The following ME2 variants were observed in gnomAD, a reference collection of about 807,000 sequenced individuals.
The protein encoded by ME2 is NAD-dependent malic enzyme, mitochondrial.
ME2 carries 60 observed loss-of-function variants against 73.7 expected under a neutral mutation model. The observed-to-expected ratio is 0.81, with a 90% CI of 0.66 to 1.01. ME2 has a LOEUF of 1.01. Among genes scored for constraint, ME2 ranks in the 50% least tolerant of loss-of-function variants. The pLI, the probability that ME2 is intolerant of heterozygous loss-of-function variation, is 0.00. For missense variants in ME2, 594 were observed against 705.5 expected (o/e 0.84, Z 1.79); for synonymous variants, 199 against 236.9 (o/e 0.84, Z 1.47).
chr18:50,892,101 G>A (rs575518052), intron 1 of ME2, among the ~76,000 whole-genome samples: 3 of 152,136 alleles, frequency 2.0e-5, no homozygotes, highest in African/African-American at 7.2e-5. Flanking sequence ...GATTACAGGG[G>A]TGAGCCACTG....
intron 1 of ME2, among the ~76,000 whole-genome samples, chr18:50,892,561 A>G (rs1300181696): frequency 2.0e-5 from 3 of 152,176 alleles, no homozygotes; most frequent in Non-Finnish European, 2.9e-5. Context: ...GTGTATTCCT[A>G]GGTATTTTAT....
chr18:50,950,449 G>A lies in ME2; in HGVS notation c.*3265G>A, dbSNP rs1037944003. 3 of 141,066 alleles carry A rather than the reference G, an allele frequency of 2.1e-5. No homozygotes were observed. The highest frequency in any genetic ancestry group is 7.4e-5 in the Admixed American group (1 of 13,500). The allele number at this position is 141,066 out of a possible 1,614,324, so 8.7% of individuals were successfully genotyped here. On this transcript the variant is annotated 3_prime_UTR_variant, in exon 16 of 16. Transcript: ENST00000321341. ...CTGATGCTGATGCATAGGGCCTGGGGTGGGGCCTCAGATTCTGCTTTTTTT... is the reference window on the plus strand; with the variant it reads ...CTGATGCTGATGCATAGGGCCTGGGATGGGGCCTCAGATTCTGCTTTTTTT...
chr18:50,887,316 G>C (rs565382117), intron 1 of ME2, among the ~76,000 whole-genome samples: 1 of 152,174 alleles, frequency 6.6e-6, no homozygotes, highest in South Asian at 2.1e-4. Flanking sequence ...ATGCAGGAGT[G>C]AAGAAAGAAC....
intron 4 of ME2, 50 bp downstream of exon 4, chr18:50,913,000 A>G (rs1205798285): frequency 6.8e-7 from 1 of 1,461,926 alleles, no homozygotes; most frequent in Non-Finnish European, 9.3e-7. Flanking sequence ...AATAAGGAAA[A>G]TATCATTCCA....
chr18:50,947,062 G>T lies in ME2; in HGVS notation c.1633G>T (p.Glu545Ter), dbSNP rs772957893. Reference protein sequence around the residue: ...YANKMAFRYPEPEDKAKYVKE... With the variant: ...YANKMAFRYP ...TAATAAAATGGCTTTCCGATACCCA[G>T]AACCTGAAGACAAGGCCAAATATGT... Residue 545 changes from glutamate (E) to a stop codon, truncating the protein, a stop_gained, in exon 16 of 16, where the codon GAA (glutamate) becomes TAA (stop). Coordinates refer to ENST00000321341, the MANE Select transcript of ME2 (RefSeq NM_002396.5). LOFTEE classifies it high-confidence loss of function. 1.7e-5 allele frequency: 27 copies of T among 1,613,784 alleles called. No homozygotes were observed. The highest frequency in any genetic ancestry group is 2.0e-5 in the Non-Finnish European group (24 of 1,179,820).
intron 2 of ME2, among the ~76,000 whole-genome samples, chr18:50,899,101 C>G (rs1241100790): frequency 2.0e-5 from 3 of 152,186 alleles, no homozygotes; most frequent in Non-Finnish European, 2.9e-5. Context: ...CGCCTGTGCT[C>G]TGCCTCCTGT....
intron 2 of ME2, among the ~76,000 whole-genome samples, chr18:50,898,775 G>T (rs1292429366): frequency 1.3e-5 from 2 of 152,112 alleles, no homozygotes; most frequent in African/African-American, 4.8e-5. Context: ...ATTATGCTAG[G>T]TTATAAGCAG....
rs1311410153 is a variant in ME2 at position 50,949,927 on chromosome 18, G to A, written c.*2743G>A. 7 of 152,154 alleles carry A rather than the reference G, an allele frequency of 4.6e-5. No homozygotes were observed. Among genetic ancestry groups the A allele is most frequent in the Non-Finnish European group, 8.8e-5 (6 of 68,028 alleles). 9.4% of individuals were successfully genotyped at this position (152,154 alleles called of 1,614,324 possible). A position where few individuals can be genotyped will look rare whatever the true frequency, so the allele number is the denominator to read the frequency against. ...GGACTATGAGCATTGAGGAAATCGGGGGAGGCCAGAATGGCATCAAGCTGG... is the reference window on the plus strand; with the variant it reads ...GGACTATGAGCATTGAGGAAATCGGAGGAGGCCAGAATGGCATCAAGCTGG... On this transcript the variant is annotated 3_prime_UTR_variant, in exon 16 of 16. Transcript: ENST00000321341.
chr18:50,935,612 C>T (rs988766234), intron 13 of ME2: 1 of 150,276 alleles, frequency 6.7e-6, no homozygotes, highest in African/African-American at 2.4e-5. Flanking sequence ...ATTAGCCAGG[C>T]ATAGTGGCAT....
intron 15 of ME2, among the ~76,000 whole-genome samples, chr18:50,940,887 C>G (rs1053326825): frequency 2.0e-5 from 3 of 152,134 alleles, no homozygotes; most frequent in African/African-American, 7.2e-5. Context: ...ATGGCATTCT[C>G]TTTATTATTT....
chr18:50,904,594 T>G (rs28603360), intron 2 of ME2, among the ~76,000 whole-genome samples: 22 of 152,236 alleles, frequency 1.4e-4, no homozygotes, highest in African/African-American at 5.3e-4. Flanking sequence ...AATTTTATAT[T>G]TTTAGTAGAG....
rs1918202343 is a variant in ME2 at position 50,950,500 on chromosome 18, A to T, written c.*3316A>T. On this transcript the variant is annotated 3_prime_UTR_variant, in exon 16 of 16. Transcript: ENST00000321341. ...TTTTTTTTTTTTTTTTTTTTTAAACAGGGTCTCTTTCTTTTTCCTTTCTCA... is the reference window on the plus strand; with the variant it reads ...TTTTTTTTTTTTTTTTTTTTTAAACTGGGTCTCTTTCTTTTTCCTTTCTCA... The T allele has an allele frequency of 4.0e-5, 1 of 25,238 alleles. No individual in the cohort carries two copies. The highest frequency in any genetic ancestry group is 8.2e-5 in the Non-Finnish European group (1 of 12,268). The allele number at this position is 25,238 out of a possible 1,614,324, so 1.6% of individuals were successfully genotyped here. A position where few individuals can be genotyped will look rare whatever the true frequency, so the allele number is the denominator to read the frequency against.
intron 13 of ME2, among the ~76,000 whole-genome samples, chr18:50,937,664 C>T (rs2144264412): frequency 6.6e-6 from 1 of 151,788 alleles, no homozygotes; most frequent in Admixed American, 6.6e-5. Context: ...AATATTATAT[C>T]CTATAAAGAC....
chr18:50,898,613 TG>T (rs1184586336), intron 2 of ME2, among the ~76,000 whole-genome samples: 2 of 152,084 alleles, frequency 1.3e-5, no homozygotes, highest in African/African-American at 4.8e-5. Flanking sequence ...TGTATTTTTT[TG>T]TAGAGATGAG....
At chr18:50,917,126 G>A (rs768905931) in intron 5 of ME2, 1 of 379,204 alleles carries the variant, frequency 2.6e-6, no homozygotes, top group East Asian at 4.1e-5. Flanking sequence ...TTCCTAAACC[G>A]AAGTCAGAGG....
At chr18:50,898,021 G>A (rs1916792427) in intron 2 of ME2, among the ~76,000 whole-genome samples, 1 of 152,136 alleles carries the variant, frequency 6.6e-6, no homozygotes, top group South Asian at 2.1e-4. Context: ...AAAGAACATA[G>A]ACCAGTGATT....
intron 1 of ME2, among the ~76,000 whole-genome samples, chr18:50,894,005 T>G (rs574252754): frequency 3.9e-5 from 6 of 152,234 alleles, no homozygotes. Flanking sequence ...TATGACTATT[T>G]AATATGAGTG....
At chr18:50,913,755 C>G (rs1359765956) in intron 4 of ME2, among the ~76,000 whole-genome samples, 2 of 151,770 alleles carry the variant, frequency 1.3e-5, no homozygotes, top group African/African-American at 4.8e-5. Flanking sequence ...CGCGTGATCC[C>G]CATGAATGTG....
intron 3 of ME2, among the ~76,000 whole-genome samples, chr18:50,911,770 G>C (rs1161911717): frequency 6.6e-6 from 1 of 152,168 alleles, no homozygotes; most frequent in Admixed American, 6.5e-5. Context: ...TGAAAAGTAG[G>C]CAGAGGTTTT....
Sources: allele counts gnomAD v4.1 joint callset (sites outside exome capture counted in the v4.1 genomes callset), GRCh38; gene constraint gnomAD v4.1.1; transcripts MANE v1.5; gene names NCBI Gene and HGNC (gene_info 2026-07-23, HGNC 2026-07-21).